The following ROBO2 variants were observed in gnomAD, a reference collection of about 807,000 sequenced individuals.
ROBO2 encodes the protein roundabout homolog 2.
In ROBO2, 53 loss-of-function variants were observed where a neutral mutation model predicts 160.8. The observed-to-expected ratio is 0.33, with a 90% CI of 0.26 to 0.41. The LOEUF (loss-of-function observed/expected upper bound fraction) is 0.41, where lower values mean the gene tolerates loss of function less well. Ranked by LOEUF, ROBO2 falls within the 10% of genes least tolerant of loss-of-function variation. ROBO2 has a pLI of 1.00. For synonymous variants in ROBO2, 664 were observed against 611.7 expected, an observed-to-expected ratio of 1.09 and a Z score of -1.26; for missense variants, 1,577 against 1,722.4, an observed-to-expected ratio of 0.92 and a Z score of 1.49.
intron 1 of ROBO2, among the ~76,000 whole-genome samples, chr3:75,907,758 T>C (rs1372610441): frequency 6.6e-6 from 1 of 152,166 alleles, no homozygotes; most frequent in African/African-American, 2.4e-5. Flanking sequence ...AAGGGATTGA[T>C]AGAGAAATTC....
chr3:77,282,911 T>C (rs1173860352), intron 2 of ROBO2, among the ~76,000 whole-genome samples: 1 of 151,822 alleles, frequency 6.6e-6, no homozygotes, highest in African/African-American at 2.4e-5. Context: ...TATCTAATTA[T>C]TGGAACTTTT....
chr3:77,332,877 C>T (rs1231108441), intron 2 of ROBO2, among the ~76,000 whole-genome samples: 1 of 152,104 alleles, frequency 6.6e-6, no homozygotes, highest in Non-Finnish European at 1.5e-5. Context: ...TGCTCAATAC[C>T]AGGTTAAAAA....
chr3:77,302,566 T>G (rs1490259390), intron 2 of ROBO2, among the ~76,000 whole-genome samples: 1 of 152,194 alleles, frequency 6.6e-6, no homozygotes, highest in Non-Finnish European at 1.5e-5. Context: ...CTAGAAATTC[T>G]TAAAGGTTAT....
Position 77,477,315 on chromosome 3 carries a change from T to C in ROBO2, c.389-99T>C, listed in dbSNP as rs549388662. On this transcript the variant is annotated intron_variant, in intron 2 of 25. Coordinates refer to ENST00000461745, the Ensembl canonical transcript of ROBO2. ...TCTCAGTAAAAATCCAGGCAATTTT[T>C]ACTAGAACAAGGTAAACAAGACTTG... 4.0e-6 allele frequency: 5 copies of C among 1,248,104 alleles called. No homozygotes were observed. The South Asian group carries it at 4.8e-5, about 12-fold the overall frequency. The allele number at this position is 1,248,104 out of a possible 1,614,324, so 77.3% of individuals were successfully genotyped here. A position where few individuals can be genotyped will look rare whatever the true frequency, so the allele number is the denominator to read the frequency against.
At chr3:76,219,477 A>G (rs566619683) in intron 2 of ROBO2, among the ~76,000 whole-genome samples, 2 of 152,226 alleles carry the variant, frequency 1.3e-5, no homozygotes, top group African/African-American at 4.8e-5. Flanking sequence ...ACAAATTTAC[A>G]AGAAGAAAAC....
intron 2 of ROBO2, among the ~76,000 whole-genome samples, chr3:77,198,325 G>A (rs1266045103): frequency 6.6e-6 from 1 of 152,170 alleles, no homozygotes; most frequent in African/African-American, 2.4e-5. Context: ...GAAACTCAAG[G>A]ATGAGAAAGA....
intron 2 of ROBO2, among the ~76,000 whole-genome samples, chr3:76,290,515 T>C (rs1334681577): frequency 6.6e-6 from 1 of 152,128 alleles, no homozygotes; most frequent in Non-Finnish European, 1.5e-5. Flanking sequence ...TTTTTATTTA[T>C]TTCTGTGGTC....
intron 2 of ROBO2, among the ~76,000 whole-genome samples, chr3:76,869,509 C>T (rs2071781522): frequency 1.3e-5 from 2 of 151,886 alleles, no homozygotes; most frequent in African/African-American, 2.4e-5. Context: ...GACACCACGC[C>T]TCGTATTTTT....
At chr3:76,795,625 C>A (rs2063639871) in intron 2 of ROBO2, among the ~76,000 whole-genome samples, 1 of 152,088 alleles carries the variant, frequency 6.6e-6, no homozygotes, top group Non-Finnish European at 1.5e-5. Context: ...CTTGCTATTT[C>A]CATGATATAT....
chr3:76,024,265 G>A (rs888856677), intron 2 of ROBO2, among the ~76,000 whole-genome samples: 1 of 151,392 alleles, frequency 6.6e-6, no homozygotes, highest in Non-Finnish European at 1.5e-5. Flanking sequence ...AAGGAAAGAC[G>A]CCTGTTTTGT....
chr3:77,288,939 C>T (rs191962795), intron 2 of ROBO2, among the ~76,000 whole-genome samples: 263 of 152,206 alleles, frequency 1.7e-3, no homozygotes, highest in Non-Finnish European at 3.0e-3. Flanking sequence ...ATTTACGGCA[C>T]CATGTGAGAC....
intron 2 of ROBO2, among the ~76,000 whole-genome samples, chr3:76,942,871 CAAT>C (rs999243250): frequency 6.6e-5 from 10 of 151,602 alleles, no homozygotes; most frequent in African/African-American, 2.2e-4. Context: ...CTGAAAAAAA[CAAT>C]AATATTATTG....
At chr3:77,609,947 A>G (rs1416755407) in intron 21 of ROBO2, among the ~76,000 whole-genome samples, 1 of 150,738 alleles carries the variant, frequency 6.6e-6, no homozygotes, top group East Asian at 1.9e-4. Context: ...TATTGACAAC[A>G]AAATTCAATT....
intron 2 of ROBO2, among the ~76,000 whole-genome samples, chr3:77,368,569 G>A (rs1401980513): frequency 6.6e-6 from 1 of 152,078 alleles, no homozygotes; most frequent in Non-Finnish European, 1.5e-5. Flanking sequence ...ATACTTTTCT[G>A]AATATACTAA....
intron 2 of ROBO2, among the ~76,000 whole-genome samples, chr3:76,659,545 G>T (rs2091730240): frequency 6.6e-6 from 1 of 151,956 alleles, no homozygotes; most frequent in Admixed American, 6.6e-5. Context: ...CTCAGCTAAT[G>T]GGCTGTGCCT....
chr3:76,668,800 C>A (rs1004721819), intron 2 of ROBO2, among the ~76,000 whole-genome samples: 1 of 150,506 alleles, frequency 6.6e-6, no homozygotes, highest in African/African-American at 2.4e-5. Flanking sequence ...AAGAATGAGA[C>A]TTGTTTGGTC....
chr3:76,487,550 C>A lies in ROBO2; in HGVS notation c.109+549948C>A, dbSNP rs563560402. Among the ~76,000 whole-genome samples the A allele has an allele frequency of 1.2e-4, 19 of 152,218 alleles. No homozygotes were observed. The East Asian group carries it at 3.1e-3, about 25-fold the overall frequency. Reference sequence around the variant, plus strand: ...AAGATTTTAAAGTAAGCCTAGTGGTCCAGGAAATAACACGCCAAACACCAG... The same window carrying A: ...AAGATTTTAAAGTAAGCCTAGTGGTACAGGAAATAACACGCCAAACACCAG... On this transcript the variant is annotated intron_variant, in intron 2 of 26. Coordinates refer to the ROBO2 transcript ENST00000487694.
intron 2 of ROBO2, among the ~76,000 whole-genome samples, chr3:77,370,415 C>T (rs1379480188): frequency 6.6e-6 from 1 of 152,186 alleles, no homozygotes; most frequent in Non-Finnish European, 1.5e-5. Context: ...AATGAGGGCT[C>T]CGATTTTGAC....
intron 5 of ROBO2, among the ~76,000 whole-genome samples, chr3:77,510,812 A>G (rs1327249500): frequency 1.3e-5 from 2 of 152,082 alleles, no homozygotes; most frequent in African/African-American, 4.8e-5. Context: ...AGTAATATTT[A>G]TTGAGTAATT....
Sources: gnomAD v4.1 joint callset for allele counts (sites outside exome capture counted in the v4.1 genomes callset) on GRCh38, gnomAD v4.1.1 for gene constraint, MANE v1.5 for transcripts, NCBI Gene and HGNC (gene_info 2026-07-23, HGNC 2026-07-21) for gene names.